Variants in KLC2 observed in about 807,000 individuals in gnomAD.
The protein encoded by KLC2 is kinesin light chain 2.
In KLC2, 35 loss-of-function variants were observed where a neutral mutation model predicts 75.1. That is an observed-to-expected ratio of 0.47 (90% CI 0.36 to 0.62). The LOEUF is 0.62. Among genes scored for constraint, KLC2 ranks in the 20% least tolerant of loss-of-function variants. The pLI is 0.00. For missense variants in KLC2, 611 were observed against 833.2 expected (o/e 0.73, Z 3.28); for synonymous variants, 314 against 336.7 (o/e 0.93, Z 0.74).
the KLC2 span, among the ~76,000 whole-genome samples, chr11:66,248,852 C>G: frequency 6.6e-6 from 1 of 152,162 alleles, no homozygotes; most frequent in South Asian, 2.1e-4. Context: ...CCTACCTCAG[C>G]CTTCTGGGTA....
At chr11:66,253,673 G>C (rs1044852944), upstream of KLC2, among the ~76,000 whole-genome samples, 1 of 152,212 alleles carries the variant, frequency 6.6e-6, no homozygotes, top group Non-Finnish European at 1.5e-5. Context: ...TCTTCCTTTG[G>C]GAGACACACA....
chr11:66,266,325 G>A (rs1258924177), intron 14 of KLC2, 108 bp downstream of exon 14: 1 of 1,490,396 alleles, frequency 6.7e-7, no homozygotes, highest in Non-Finnish European at 9.1e-7. Flanking sequence ...ATCCCTCTCA[G>A]GCTCCACCAC....
chr11:66,261,881 G>C lies in KLC2; in HGVS notation c.368G>C (p.Ser123Thr). 6.2e-7 allele frequency: 1 copy of C among 1,614,190 alleles called. No homozygotes were observed. Among genetic ancestry groups the C allele is most frequent in the Non-Finnish European group, 8.5e-7 (1 of 1,180,042 alleles). ...LAGTQQKLQR[S>T]EQAVAQLEEE... is the part of the protein sequence containing the mutation. ...GGGACACAGCAGAAGCTGCAGCGCAGTGAGCAGGCCGTGGCCCAGCTCGAG... is the reference window on the plus strand; with the variant it reads ...GGGACACAGCAGAAGCTGCAGCGCACTGAGCAGGCCGTGGCCCAGCTCGAG... Residue 123 changes from serine (S) to threonine (T), a missense_variant, in exon 3 of 16, where the codon AGT (serine) becomes ACT (threonine). Physicochemically the swap from Ser to Thr is moderately conservative, Grantham distance 58. Transcript: ENST00000394067.
chr11:66,258,908 G>A (rs1856198185), intron 2 of KLC2, 86 bp downstream of exon 2: 2 of 908,062 alleles, frequency 2.2e-6, no homozygotes, highest in East Asian at 5.1e-5. Context: ...AGAAGAATCT[G>A]AGCAGGGAAC....
upstream of KLC2, among the ~76,000 whole-genome samples, chr11:66,253,812 G>A (rs1590849885): frequency 6.6e-6 from 1 of 152,268 alleles, no homozygotes; most frequent in South Asian, 2.1e-4. Context: ...ACCGGGCGGA[G>A]CAGCCAGCGC....
In KLC2 at chr11:66,263,840, C is replaced by T; in HGVS notation, c.841-11C>T. The T allele has an allele frequency of 6.2e-7, 1 of 1,612,372 alleles. No homozygotes were observed. The highest frequency in any genetic ancestry group is 8.5e-7 in the Non-Finnish European group (1 of 1,178,370). The stretch of plus-strand genomic sequence containing the variant: ...GCCTGAGTCAAGAAGCTTCCGTTCT[C>T]CCACCTCCAGGTGGCTGCGACACTA... On this transcript the variant is annotated splice_polypyrimidine_tract_variant and intron_variant, in intron 6 of 15. Coordinates refer to ENST00000394067, the MANE Select transcript of KLC2 (RefSeq NM_001318734.2).
upstream of KLC2, among the ~76,000 whole-genome samples, chr11:66,257,107 T>C (rs1163919312): frequency 1.3e-5 from 2 of 152,212 alleles, no homozygotes; most frequent in African/African-American, 2.4e-5. Flanking sequence ...GGATGAGCAC[T>C]GCAGGAAGGC....
Position 66,267,336 on chromosome 11 carries a change from T to C in KLC2, c.*380T>C, listed in dbSNP as rs1456441767. 4 of 761,330 alleles carry C rather than the reference T, an allele frequency of 5.3e-6. No individual in the cohort carries two copies. Among genetic ancestry groups the C allele is most frequent in the South Asian group, 1.5e-5 (1 of 68,396 alleles). The allele number at this position is 761,330 out of a possible 1,614,324, so 47.2% of individuals were successfully genotyped here. A position where few individuals can be genotyped will look rare whatever the true frequency, so the allele number is the denominator to read the frequency against. Reference sequence around the variant, plus strand: ...CCCGACTCAACCCGGCCGTTGCTTCTGTATATAGAGAAATAAGTTATTGGC... The same window carrying C: ...CCCGACTCAACCCGGCCGTTGCTTCCGTATATAGAGAAATAAGTTATTGGC... On this transcript the variant is annotated 3_prime_UTR_variant, in exon 16 of 16. Coordinates refer to ENST00000394067, the MANE Select transcript of KLC2 (RefSeq NM_001318734.2).
At position 66,264,357 on chromosome 11, in the gene KLC2, C is replaced by T. The variant is rs147342456; in HGVS notation, c.1129C>T (p.Leu377=). ...KTKNNLASCY[L]KQGKYQDAET... ...CTCCCGCTTCCAGGCTTCCTGCTAC[C>T]TGAAGCAGGGCAAGTACCAGGATGC... The change falls in exon 9 of 16, where the codon CTG becomes TTG. Residue 377 remains leucine (L), a synonymous_variant. Coordinates refer to ENST00000394067, the MANE Select transcript of KLC2 (RefSeq NM_001318734.2). The T allele has an allele frequency of 2.5e-6, 4 of 1,612,404 alleles. No individual in the cohort carries two copies. Among genetic ancestry groups the T allele is most frequent in the African/African-American group, 1.3e-5 (1 of 74,884 alleles).
At chr11:66,264,842 A>G in intron 9 of KLC2, 181 bp from the exon 10 acceptor site, 1 of 610,462 alleles carries the variant, frequency 1.6e-6, no homozygotes, top group Middle Eastern at 4.4e-4. Flanking sequence ...CCTGAGGTGC[A>G]AGGGTCTGTT....
chr11:66,264,478 T>C (rs771542771), intron 9 of KLC2, 34 bp downstream of exon 9: 1 of 1,467,670 alleles, frequency 6.8e-7, no homozygotes, highest in East Asian at 2.3e-5. Context: ...CTCTAGCCCA[T>C]CCATCCCAGG....
chr11:66,267,322 C>T lies in KLC2; in HGVS notation c.*366C>T. 1 of 810,050 alleles carries T rather than the reference C, an allele frequency of 1.2e-6. No homozygotes were observed. Among genetic ancestry groups the T allele is most frequent in the Non-Finnish European group, 2.1e-6 (1 of 469,884 alleles). The allele number at this position is 810,050 out of a possible 1,614,324, so 50.2% of individuals were successfully genotyped here. A position where few individuals can be genotyped will look rare whatever the true frequency, so the allele number is the denominator to read the frequency against. ...CCCTCGCCCTCCCTCCCGACTCAAC[C>T]CGGCCGTTGCTTCTGTATATAGAGA... On this transcript the variant is annotated 3_prime_UTR_variant, in exon 16 of 16. Coordinates refer to ENST00000394067, the MANE Select transcript of KLC2 (RefSeq NM_001318734.2).
chr11:66,260,616 T>G (rs1856330514), intron 2 of KLC2, among the ~76,000 whole-genome samples: 1 of 152,058 alleles, frequency 6.6e-6, no homozygotes, highest in Non-Finnish European at 1.5e-5. Flanking sequence ...TTTTTTTTTT[T>G]GAGACAGTCT....
At chr11:66,259,561 A>G (rs1303715381) in intron 2 of KLC2, 2 of 152,302 alleles carry the variant, frequency 1.3e-5, no homozygotes, top group Non-Finnish European at 2.9e-5. Context: ...GAACCAGATC[A>G]TGGCCTGGTT....
Position 66,267,466 on chromosome 11 carries a change from C to T in KLC2, c.*510C>T. ...ACCCCCATTCCGTGCGGTGGTATCT[C>T]CCAGGCTCTACATTCTCGGGAGCGG... On this transcript the variant is annotated 3_prime_UTR_variant, in exon 16 of 16. Transcript: ENST00000394067. The T allele has an allele frequency of 1.4e-6, 1 of 712,434 alleles. No individual in the cohort carries two copies. Among genetic ancestry groups the T allele is most frequent in the Non-Finnish European group, 2.6e-6 (1 of 381,300 alleles). The allele number at this position is 712,434 out of a possible 1,614,324, so 44.1% of individuals were successfully genotyped here. A position where few individuals can be genotyped will look rare whatever the true frequency, so the allele number is the denominator to read the frequency against.
Position 66,267,793 on chromosome 11 carries a change from T to G in KLC2, c.*837T>G, listed in dbSNP as rs1295547431. On this transcript the variant is annotated 3_prime_UTR_variant, in exon 16 of 16. Transcript: ENST00000394067. ...CTGGTGGCAGGAGGGGCTCCCCCTGTTGCGGGTGAGGCGGCTGCTCTCATA... is the reference window on the plus strand; with the variant it reads ...CTGGTGGCAGGAGGGGCTCCCCCTGGTGCGGGTGAGGCGGCTGCTCTCATA... 2.3e-6 allele frequency: 1 copy of G among 426,804 alleles called. No homozygotes were observed. Among genetic ancestry groups the G allele is most frequent in the South Asian group, 5.6e-5 (1 of 17,910 alleles). 26.4% of individuals were successfully genotyped at this position (426,804 alleles called of 1,614,324 possible). A position where few individuals can be genotyped will look rare whatever the true frequency, so the allele number is the denominator to read the frequency against.
chr11:66,260,660 G>A (rs905872766), intron 2 of KLC2, among the ~76,000 whole-genome samples: 1 of 151,858 alleles, frequency 6.6e-6, no homozygotes, highest in Non-Finnish European at 1.5e-5. Context: ...ATAGTGGCAC[G>A]ATCTCAGCTC....
upstream of KLC2, among the ~76,000 whole-genome samples, chr11:66,256,904 C>T (rs991722240): frequency 1.5e-4 from 23 of 152,038 alleles, no homozygotes; most frequent in African/African-American, 5.1e-4. Context: ...AGGACCCAGA[C>T]GGACAAGCTA....
At chr11:66,253,870 G>C (rs1394851039), upstream of KLC2, among the ~76,000 whole-genome samples, 3 of 152,228 alleles carry the variant, frequency 2.0e-5, no homozygotes, top group East Asian at 5.8e-4. Flanking sequence ...ATGGTGAGCA[G>C]AACAATTGGA....
Sources: allele counts gnomAD v4.1 joint callset (sites outside exome capture counted in the v4.1 genomes callset), GRCh38; gene constraint gnomAD v4.1.1; transcripts MANE v1.5; gene names NCBI Gene and HGNC (gene_info 2026-07-23, HGNC 2026-07-21).